Variants in SLC24A3 observed in about 807,000 individuals in gnomAD.
SLC24A3 encodes the protein sodium/potassium/calcium exchanger 3.
Under a neutral mutation model 75.8 loss-of-function variants are expected in SLC24A3, and 28 were observed. The observed-to-expected ratio is 0.37, with a 90% CI of 0.27 to 0.51. SLC24A3 has a LOEUF of 0.51. Among genes scored for constraint, SLC24A3 ranks in the 20% least tolerant of loss-of-function variants. SLC24A3 has a pLI of 0.94. For missense variants in SLC24A3, 663 were observed against 847.8 expected, an observed-to-expected ratio of 0.78 and a Z score of 2.71; for synonymous variants, 372 against 334.1, an observed-to-expected ratio of 1.11 and a Z score of -1.24.
intron 2 of SLC24A3, among the ~76,000 whole-genome samples, chr20:19,473,600 T>C (rs757053331): frequency 4.6e-5 from 7 of 152,256 alleles, no homozygotes; most frequent in Non-Finnish European, 1.0e-4. Context: ...AGCTGGGGAA[T>C]TGGGGAGCCA....
Position 19,699,660 on chromosome 20 carries a change from A to T in SLC24A3, c.1719+980A>T, listed in dbSNP as rs186504703. ...TGGCTAAGGTTTATTATAGCACAGG[A>T]TATGGGATAAAAGGAGCTGGAAAAT... On this transcript the variant is annotated intron_variant, in intron 15 of 16. Transcript: ENST00000328041. Among the ~76,000 whole-genome samples, 377 of 152,342 alleles carry T rather than the reference A, an allele frequency of 2.5e-3. 2 individuals are homozygous for T. Among genetic ancestry groups the T allele is most frequent in the African/African-American group, 8.5e-3 (352 of 41,596 alleles).
At chr20:19,582,901 G>A (rs567451790) in intron 4 of SLC24A3, among the ~76,000 whole-genome samples, 56 of 152,328 alleles carry the variant, frequency 3.7e-4, no homozygotes, top group Non-Finnish European at 7.2e-4. Flanking sequence ...AGGTGAAGTC[G>A]GATGGGGAGG....
At chr20:19,426,575 A>T (rs181424176) in intron 2 of SLC24A3, among the ~76,000 whole-genome samples, 1 of 152,240 alleles carries the variant, frequency 6.6e-6, no homozygotes, top group East Asian at 1.9e-4. Context: ...ATACTTTGCT[A>T]TCACAAATAA....
chr20:19,438,578 C>CATGGTAGG (rs2122463654), intron 2 of SLC24A3, among the ~76,000 whole-genome samples: 1 of 152,194 alleles, frequency 6.6e-6, no homozygotes, highest in South Asian at 2.1e-4. Flanking sequence ...AGCACCCCTA[C>CATGGTAGG]ATGGTAGGCA....
At chr20:19,576,610 A>T (rs1199483939) in intron 3 of SLC24A3, among the ~76,000 whole-genome samples, 1 of 152,160 alleles carries the variant, frequency 6.6e-6, no homozygotes. Flanking sequence ...TGCCCAGCTC[A>T]CGAGAACTAA....
At chr20:19,713,584 C>G (rs927115) in intron 15 of SLC24A3, among the ~76,000 whole-genome samples, 113,712 of 151,906 alleles carry the variant, frequency 0.75, 42,834 homozygotes, top group East Asian at 0.96. Flanking sequence ...GCCCAGCCCT[C>G]TGCCAGGTGG....
intron 4 of SLC24A3, among the ~76,000 whole-genome samples, chr20:19,583,875 G>C (rs1357333836): frequency 1.3e-5 from 2 of 151,566 alleles, no homozygotes; most frequent in East Asian, 4.0e-4. Context: ...TCGCTGTCCA[G>C]CCGACAGCGA....
At chr20:19,716,421 CTTT>C (rs869192142) in intron 15 of SLC24A3, among the ~76,000 whole-genome samples, 3 of 10,702 alleles carry the variant, frequency 2.8e-4, no homozygotes, top group African/African-American at 9.9e-4. Flanking sequence ...AAAACTGTTT[CTTT>C]TTTTTTCAGT....
chr20:19,608,704 T>C (rs1167200692), intron 6 of SLC24A3, among the ~76,000 whole-genome samples: 3 of 152,218 alleles, frequency 2.0e-5, no homozygotes, highest in Non-Finnish European at 2.9e-5. Context: ...AGGTTCTTCG[T>C]TGATCTAAGT....
At chr20:19,468,394 G>T (rs529482442) in intron 2 of SLC24A3, among the ~76,000 whole-genome samples, 1 of 152,022 alleles carries the variant, frequency 6.6e-6, no homozygotes, top group East Asian at 1.9e-4. Flanking sequence ...CTCAGAATCC[G>T]AGTTCACCAA....
chr20:19,642,965 G>A lies in SLC24A3; in HGVS notation c.613-11097G>A, dbSNP rs146522424. On this transcript the variant is annotated intron_variant, in intron 6 of 16. Transcript: ENST00000328041. ...AAGCACACATTAAAGAAATGTCCTT[G>A]TGTTCGATTTGCCCTGGCTGCAGAA... Among the ~76,000 whole-genome samples the A allele has an allele frequency of 1.2e-4, 19 of 152,100 alleles. No individual in the cohort carries two copies. The East Asian group carries it at 2.7e-3, about 22-fold the overall frequency.
At chr20:19,343,432 G>A (rs1392723797) in intron 2 of SLC24A3, among the ~76,000 whole-genome samples, 2 of 152,168 alleles carry the variant, frequency 1.3e-5, no homozygotes, top group Non-Finnish European at 2.9e-5. Flanking sequence ...TAACACACGT[G>A]AAGCAATTAG....
chr20:19,577,987 G>A (rs564954384), intron 3 of SLC24A3, among the ~76,000 whole-genome samples: 2 of 152,186 alleles, frequency 1.3e-5, no homozygotes, highest in African/African-American at 2.4e-5. Flanking sequence ...AGAATCTTAC[G>A]ATCTTATGGA....
intron 3 of SLC24A3, among the ~76,000 whole-genome samples, chr20:19,574,006 C>T (rs759751075): frequency 1.3e-5 from 2 of 152,220 alleles, no homozygotes; most frequent in Non-Finnish European, 2.9e-5. Flanking sequence ...GGCCATTCTT[C>T]TTTGTTGAAG....
intron 1 of SLC24A3, among the ~76,000 whole-genome samples, chr20:19,276,389 A>G (rs1308104771): frequency 1.3e-5 from 2 of 152,194 alleles, no homozygotes; most frequent in Admixed American, 6.5e-5. Flanking sequence ...CAGTGGGGAT[A>G]TGTTCTGAGA....
rs962609013 is a variant in SLC24A3, at chr20:19,375,785, G to A, written c.271+94698G>A. On this transcript the variant is annotated intron_variant, in intron 2 of 16. Coordinates refer to ENST00000328041, the MANE Select transcript of SLC24A3 (RefSeq NM_020689.4). ...TGACCTCCCAGGCATCCATAGTGGA[G>A]TATGTTTCTACTTTATTGAACAGCC... Among the ~76,000 whole-genome samples the A allele has an allele frequency of 7.2e-5, 11 of 152,180 alleles. No homozygotes were observed. The East Asian group carries it at 1.9e-3, about 27-fold the overall frequency.
In SLC24A3 at chr20:19,509,650, C is replaced by T. The variant is rs147092517; in HGVS notation, c.272-5838C>T. On this transcript the variant is annotated intron_variant, in intron 2 of 16. Transcript: ENST00000328041. ...GCACAGCTGCTGTTGCAGCTCTTTT[C>T]TTGAACCACTGGGTCAACTGGGCAG... Among the ~76,000 whole-genome samples the T allele has an allele frequency of 1.8e-3, 273 of 152,370 alleles. 2 individuals carry two copies. The highest frequency in any genetic ancestry group is 6.4e-3 in the African/African-American group (266 of 41,596).
chr20:19,614,579 C>T (rs2031712388), intron 6 of SLC24A3, among the ~76,000 whole-genome samples: 2 of 152,198 alleles, frequency 1.3e-5, no homozygotes, highest in Admixed American at 1.3e-4. Flanking sequence ...ACATGTTATT[C>T]TGGGCCACAA....
intron 6 of SLC24A3, among the ~76,000 whole-genome samples, chr20:19,633,016 G>T (rs1339710335): frequency 6.6e-6 from 1 of 152,144 alleles, no homozygotes; most frequent in African/African-American, 2.4e-5. Context: ...ATGTAAGCAT[G>T]GACTTTTGAG....
Sources: allele counts gnomAD v4.1 joint callset (sites outside exome capture counted in the v4.1 genomes callset), GRCh38; gene constraint gnomAD v4.1.1; transcripts MANE v1.5; gene names NCBI Gene and HGNC (gene_info 2026-07-23, HGNC 2026-07-21).